Variants in ZC3H3 observed in about 807,000 individuals in gnomAD.
ZC3H3 encodes the protein zinc finger CCCH domain-containing protein 3.
A neutral mutation model predicts 77.3 loss-of-function variants in ZC3H3; 36 were observed. The observed-to-expected ratio is 0.47, with a 90% CI of 0.36 to 0.61. The LOEUF is 0.61. ZC3H3 is among the 20% of genes least tolerant of loss of function. The pLI is 0.00. For synonymous variants in ZC3H3, 626 were observed against 555.2 expected, an observed-to-expected ratio of 1.13 and a Z score of -1.79; for missense variants, 1,331 against 1,312.2, an observed-to-expected ratio of 1.01 and a Z score of -0.22.
At chr8:143,476,902 G>A (rs1820749845) in intron 4 of ZC3H3, among the ~76,000 whole-genome samples, 1 of 152,234 alleles carries the variant, frequency 6.6e-6, no homozygotes, top group Admixed American at 6.5e-5. Context: ...CAGCTGGTCT[G>A]GGCCAGGGTG....
At chr8:143,519,425 G>A (rs1422418636) in intron 3 of ZC3H3, among the ~76,000 whole-genome samples, 1 of 152,144 alleles carries the variant, frequency 6.6e-6, no homozygotes, top group African/African-American at 2.4e-5. Context: ...CTCATCTTTC[G>A]GTAAGATGAG....
intron 3 of ZC3H3, among the ~76,000 whole-genome samples, chr8:143,528,218 C>T (rs1822482464): frequency 6.6e-6 from 1 of 152,232 alleles, no homozygotes; most frequent in Non-Finnish European, 1.5e-5. Flanking sequence ...CGCCACTCAT[C>T]TCTGCGCAGG....
At chr8:143,541,254 C>A (rs966596065) in intron 1 of ZC3H3, 122 bp downstream of exon 1, 3 of 1,536,388 alleles carry the variant, frequency 2.0e-6, no homozygotes, top group South Asian at 2.4e-5. Context: ...TACCGTCCCC[C>A]ACCCCAGCCG....
intron 4 of ZC3H3, among the ~76,000 whole-genome samples, chr8:143,504,496 T>G: frequency 6.6e-6 from 1 of 151,980 alleles, no homozygotes; most frequent in African/African-American, 2.4e-5. Flanking sequence ...GTGGTAGAGG[T>G]CCTGCCCCCT....
chr8:143,494,145 T>A lies in ZC3H3; in HGVS notation c.1715+13601A>T, dbSNP rs1449536237. Among the ~76,000 whole-genome samples, 1 of 152,136 alleles carries A rather than the reference T, an allele frequency of 6.6e-6. No homozygotes were observed. The highest frequency in any genetic ancestry group is 1.5e-5 in the Non-Finnish European group (1 of 68,006). ...CCCACAGGCCTCCCCAGGGCCAGGA[T>A]GGGCCCCAAGACCCCACAGGCTGAC... On this transcript the variant is annotated intron_variant, in intron 4 of 11. Coordinates refer to ENST00000262577, the MANE Select transcript of ZC3H3 (RefSeq NM_015117.3). This position sits in a 1 kb window ranked among gnomAD's most constrained non-coding sequence, Gnocchi z 5.3.
Position 143,440,214 on chromosome 8 carries a change from G to A in ZC3H3, c.2642C>T (p.Ser881Phe), listed in dbSNP as rs147945739. 1 of 1,606,164 alleles carries A rather than the reference G, an allele frequency of 6.2e-7. No homozygotes were observed. Among genetic ancestry groups the A allele is most frequent in the Non-Finnish European group, 8.5e-7 (1 of 1,176,594 alleles). ...KASSSSSSSS[S>F]PPASLDHEAP... ...CTCGTGGTCCAAGGAAGCGGGAGGG[G>A]ATGAGGAGGAGGAGGAGGAGGAGGA... is the stretch of plus-strand genomic sequence containing the variant. Residue 881 changes from serine (S) to phenylalanine (F), a missense_variant, in exon 11 of 12, where the codon TCC (serine) becomes TTC (phenylalanine). Ser to Phe is a radical substitution (Grantham distance 155, BLOSUM62 -2). Transcript: ENST00000262577.
At chr8:143,497,826 A>C (rs1821396782) in intron 4 of ZC3H3, among the ~76,000 whole-genome samples, 1 of 152,174 alleles carries the variant, frequency 6.6e-6, no homozygotes, top group Admixed American at 6.5e-5. Context: ...CAGCAGCTCG[A>C]GGCCTGGCCA....
At chr8:143,455,095 CA>C (rs1172909719) in intron 9 of ZC3H3, among the ~76,000 whole-genome samples, 2 of 151,922 alleles carry the variant, frequency 1.3e-5, no homozygotes, top group South Asian at 2.1e-4. Flanking sequence ...ACGGGTGGAT[CA>C]GGGGGTCAGG....
chr8:143,477,051 G>A (rs1462931604), intron 4 of ZC3H3, among the ~76,000 whole-genome samples: 1 of 152,152 alleles, frequency 6.6e-6, no homozygotes, highest in African/African-American at 2.4e-5. Context: ...TGGTACTGGG[G>A]ATGGAGCAGC....
chr8:143,480,227 C>T (rs1026519390), intron 4 of ZC3H3, among the ~76,000 whole-genome samples: 3 of 152,160 alleles, frequency 2.0e-5, no homozygotes, highest in African/African-American at 7.2e-5. Flanking sequence ...TTCCTGAAAG[C>T]CCAGGGGCAA....
At chr8:143,473,886 C>T (rs866631742) in intron 5 of ZC3H3, among the ~76,000 whole-genome samples, 5 of 152,192 alleles carry the variant, frequency 3.3e-5, no homozygotes, top group Admixed American at 2.0e-4. Context: ...ATACTTCACT[C>T]AGGGAAATGA....
At chr8:143,475,187 T>C (rs2129905399) in intron 5 of ZC3H3, among the ~76,000 whole-genome samples, 1 of 152,290 alleles carries the variant, frequency 6.6e-6, no homozygotes, top group Admixed American at 6.5e-5. Flanking sequence ...TGAAATTAAC[T>C]CCCAGGATGG....
At chr8:143,514,690 C>G (rs1821977748) in intron 3 of ZC3H3, among the ~76,000 whole-genome samples, 1 of 152,216 alleles carries the variant, frequency 6.6e-6, no homozygotes, top group African/African-American at 2.4e-5. Context: ...CCATGCAGTT[C>G]AAATGCAGCC....
chr8:143,465,585 T>A, intron 9 of ZC3H3, 132 bp downstream of exon 9: 1 of 1,377,290 alleles, frequency 7.3e-7, no homozygotes, highest in Non-Finnish European at 9.9e-7. Context: ...ACCTGTGAGG[T>A]GGACGTGATG....
intron 2 of ZC3H3, among the ~76,000 whole-genome samples, chr8:143,536,854 C>T (rs1822816846): frequency 6.6e-6 from 1 of 152,196 alleles, no homozygotes; most frequent in South Asian, 2.1e-4. Flanking sequence ...GCCTGCCAAG[C>T]CCCTCAGTAA....
At position 143,536,348 on chromosome 8, in the gene ZC3H3, C is replaced by T; in HGVS notation, c.1470G>A (p.Leu490=). 6.2e-7 allele frequency: 1 copy of T among 1,608,044 alleles called. No individual in the cohort carries two copies. The highest frequency in any genetic ancestry group is 8.5e-7 in the Non-Finnish European group (1 of 1,177,636). Residue 490 remains leucine, a synonymous_variant, in exon 3 of 12, where the codon CTG becomes CTA. Transcript: ENST00000262577. The part of the protein sequence containing the change: ...QALRGKSSPV[L]KKTPNKGLVQ... Reference sequence around the variant, plus strand: ...CCAGGCCCTTGTTGGGGGTCTTCTTCAGGACAGGGCTGCTCTTCCCCCTGA... The same window carrying T: ...CCAGGCCCTTGTTGGGGGTCTTCTTTAGGACAGGGCTGCTCTTCCCCCTGA...
At chr8:143,455,304 A>G (rs1027882538) in intron 9 of ZC3H3, among the ~76,000 whole-genome samples, 1 of 152,100 alleles carries the variant, frequency 6.6e-6, no homozygotes, top group Non-Finnish European at 1.5e-5. Flanking sequence ...ACAGAGCTAG[A>G]GTCCATCTCA....
At chr8:143,536,833 G>A (rs996288412) in intron 2 of ZC3H3, among the ~76,000 whole-genome samples, 1 of 152,162 alleles carries the variant, frequency 6.6e-6, no homozygotes, top group East Asian at 1.9e-4. Flanking sequence ...AGCGGCCACC[G>A]GCCCCAAGTG....
chr8:143,449,742 CA>C (rs1203429921), intron 9 of ZC3H3, among the ~76,000 whole-genome samples: 2 of 21,730 alleles, frequency 9.2e-5, no homozygotes, highest in Non-Finnish European at 2.3e-4. Flanking sequence ...AAAAAACAAA[CA>C]AAACAAAACA....
Sources: allele counts gnomAD v4.1 joint callset (sites outside exome capture counted in the v4.1 genomes callset), GRCh38; gene constraint gnomAD v4.1.1; non-coding constraint Gnocchi (gnomAD v3.1); transcripts MANE v1.5; gene names NCBI Gene and HGNC (gene_info 2026-07-23, HGNC 2026-07-21).